The following ULK4 variants were observed in gnomAD, a reference collection of about 807,000 sequenced individuals.
ULK4 encodes the protein inactive serine/threonine-protein kinase ULK4.
Under a neutral mutation model 160.6 loss-of-function variants are expected in ULK4, and 133 were observed. That is an observed-to-expected ratio of 0.83 (90% CI 0.72 to 0.96). ULK4 has a LOEUF of 0.96. Among genes scored for constraint, ULK4 ranks in the 40% least tolerant of loss-of-function variants. The probability of loss-of-function intolerance (pLI) is 0.00; values close to 1 mark genes in which losing one functional copy is unlikely to be tolerated. For synonymous variants in ULK4, 534 were observed against 539.8 expected, an observed-to-expected ratio of 0.99 and a Z score of 0.15; for missense variants, 1,580 against 1,499.5, an observed-to-expected ratio of 1.05 and a Z score of -0.89.
At chr3:41,769,572 A>C (rs1216597369) in intron 21 of ULK4, among the ~76,000 whole-genome samples, 1 of 152,216 alleles carries the variant, frequency 6.6e-6, no homozygotes, top group Non-Finnish European at 1.5e-5. Flanking sequence ...CAGCACAACA[A>C]GGTTATGTCC....
rs1255620590 is a variant in ULK4 at position 41,882,243 on chromosome 3, A to C, written c.1656+1631T>G. The stretch of plus-strand genomic sequence containing the variant: ...AGGCACTGGAGTGGAGTGTTGAACA[A>C]GACAGTTCAAAATCCCGATTCCAAT... On this transcript the variant is annotated intron_variant, in intron 17 of 36. Coordinates refer to ENST00000301831, the MANE Select transcript of ULK4 (RefSeq NM_017886.4). 7.1e-6 allele frequency: 5 copies of C among 702,900 alleles called. No homozygotes were observed. In the East Asian group the frequency reaches 1.3e-4, roughly 19 times the overall value. 43.5% of individuals were successfully genotyped at this position (702,900 alleles called of 1,614,324 possible). A position where few individuals can be genotyped will look rare whatever the true frequency, so the allele number is the denominator to read the frequency against.
intron 30 of ULK4, among the ~76,000 whole-genome samples, chr3:41,635,428 A>C (rs910446268): frequency 3.9e-5 from 6 of 152,032 alleles, no homozygotes; most frequent in African/African-American, 1.4e-4. Flanking sequence ...ACAACTGTAC[A>C]TATTTATATA....
At chr3:41,554,045 T>C (rs1044288969) in intron 32 of ULK4, among the ~76,000 whole-genome samples, 2 of 152,108 alleles carry the variant, frequency 1.3e-5, no homozygotes, top group African/African-American at 4.8e-5. Context: ...GTTCAATTGT[T>C]TTAATTTTTT....
At chr3:41,953,299 T>C (rs970227332) in intron 2 of ULK4, among the ~76,000 whole-genome samples, 1 of 112,176 alleles carries the variant, frequency 8.9e-6, no homozygotes, top group African/African-American at 4.1e-5. Flanking sequence ...TATATATATA[T>C]ATATATTTTT....
intron 35 of ULK4, among the ~76,000 whole-genome samples, chr3:41,392,511 C>CT (rs1429434102): frequency 1.3e-5 from 2 of 152,128 alleles, no homozygotes; most frequent in African/African-American, 4.8e-5. Flanking sequence ...AGATGATTCT[C>CT]TAACAACCAT....
At chr3:41,827,502 C>G in intron 18 of ULK4, among the ~76,000 whole-genome samples, 1 of 152,108 alleles carries the variant, frequency 6.6e-6, no homozygotes. Context: ...AAACTACCAT[C>G]AGAGAATACT....
intron 22 of ULK4, among the ~76,000 whole-genome samples, chr3:41,747,930 G>A (rs2038473612): frequency 1.3e-5 from 2 of 151,936 alleles, no homozygotes; most frequent in Non-Finnish European, 2.9e-5. Flanking sequence ...ATGACAGCCT[G>A]AGCAAACTAA....
chr3:41,546,426 T>C (rs2086865703), intron 32 of ULK4, among the ~76,000 whole-genome samples: 1 of 152,138 alleles, frequency 6.6e-6, no homozygotes, highest in Non-Finnish European at 1.5e-5. Context: ...TTTACTCAGG[T>C]GCATAGCAAG....
At chr3:41,408,023 T>C (rs1045961476) in intron 34 of ULK4, among the ~76,000 whole-genome samples, 1 of 152,250 alleles carries the variant, frequency 6.6e-6, no homozygotes, top group Non-Finnish European at 1.5e-5. Context: ...AAAAATCAAT[T>C]GTATTTCTAT....
intron 19 of ULK4, among the ~76,000 whole-genome samples, chr3:41,805,281 G>GTTATTGGTGTA (rs1281086790): frequency 2.0e-5 from 3 of 152,136 alleles, no homozygotes; most frequent in Admixed American, 2.0e-4. Flanking sequence ...TTGGCTCTCT[G>GTTATTGGTGTA]TTTGTCTGTT....
chr3:41,590,848 A>T (rs2031249461), intron 31 of ULK4, among the ~76,000 whole-genome samples: 1 of 152,090 alleles, frequency 6.6e-6, no homozygotes. Flanking sequence ...CATATCAAGC[A>T]GCCTAACATA....
At chr3:41,453,272 C>T (rs1005625777) in intron 34 of ULK4, among the ~76,000 whole-genome samples, 6 of 152,160 alleles carry the variant, frequency 3.9e-5, no homozygotes, top group African/African-American at 1.4e-4. Flanking sequence ...CACTCCTGGG[C>T]TCAAGCAATC....
At chr3:41,890,104 G>C (rs567729782) in intron 16 of ULK4, among the ~76,000 whole-genome samples, 1 of 152,320 alleles carries the variant, frequency 6.6e-6, no homozygotes, top group South Asian at 2.1e-4. Flanking sequence ...GGAGAAGAAT[G>C]GGTACTGGGT....
chr3:41,449,877 C>G (rs1298460862), intron 34 of ULK4, among the ~76,000 whole-genome samples: 1 of 147,556 alleles, frequency 6.8e-6, no homozygotes, highest in Non-Finnish European at 1.5e-5. Flanking sequence ...CTTGGTCTCC[C>G]AGTTATCTAG....
intron 27 of ULK4, among the ~76,000 whole-genome samples, chr3:41,702,885 C>T (rs1197711640): frequency 1.1e-4 from 14 of 121,776 alleles, no homozygotes; most frequent in African/African-American, 1.6e-4. Flanking sequence ...GATGGAGTTT[C>T]GCTTTGTCAC....
intron 17 of ULK4, among the ~76,000 whole-genome samples, chr3:41,852,567 C>T (rs2042242434): frequency 6.7e-6 from 1 of 150,370 alleles, no homozygotes; most frequent in Non-Finnish European, 1.5e-5. Flanking sequence ...GTTAAGAAAA[C>T]CTCAAAGACC....
intron 30 of ULK4, among the ~76,000 whole-genome samples, chr3:41,639,445 T>G (rs762596780): frequency 1.4e-4 from 22 of 152,154 alleles, no homozygotes; most frequent in Non-Finnish European, 3.2e-4. Flanking sequence ...AACAAATGGC[T>G]GGGTGTGGTG....
intron 31 of ULK4, among the ~76,000 whole-genome samples, chr3:41,603,909 AT>A (rs1440542722): frequency 1.3e-5 from 2 of 152,184 alleles, no homozygotes; most frequent in Non-Finnish European, 2.9e-5. Context: ...TACATTAAAA[AT>A]AATACTTCCC....
At position 41,311,281 on chromosome 3, in the gene ULK4, T is replaced by C. The variant is rs567837272; in HGVS notation, c.3679-61707A>G. Among the ~76,000 whole-genome samples, 10 of 152,296 alleles carry C rather than the reference T, an allele frequency of 6.6e-5. No individual in the cohort carries two copies. In the East Asian group the frequency reaches 1.5e-3, roughly 24 times the overall value. Reference sequence around the variant, plus strand: ...GGGCGTTGCCAAAGGAGCTTAACATTTGAGTCAGTGGGCTGGGAAAGGCAG... The same window carrying C: ...GGGCGTTGCCAAAGGAGCTTAACATCTGAGTCAGTGGGCTGGGAAAGGCAG... On this transcript the variant is annotated intron_variant, in intron 35 of 36. Transcript: ENST00000301831.
Sources: allele counts gnomAD v4.1 joint callset (sites outside exome capture counted in the v4.1 genomes callset), GRCh38; gene constraint gnomAD v4.1.1; transcripts MANE v1.5; gene names NCBI Gene and HGNC (gene_info 2026-07-23, HGNC 2026-07-21).